Variants in NKAIN3 observed in about 807,000 individuals in gnomAD.
NKAIN3 encodes the protein sodium/potassium-transporting ATPase subunit beta-1-interacting protein 3.
NKAIN3 carries 25 observed loss-of-function variants against 30.2 expected under a neutral mutation model. The ratio of observed to expected loss-of-function variants is 0.83; its 90% CI spans 0.60 to 1.16. The LOEUF is 1.16. NKAIN3 is among the 50% of genes most tolerant of loss of function. NKAIN3 has a pLI of 0.00. For missense variants in NKAIN3, 225 were observed against 254.1 expected (o/e 0.89, Z 0.78); for synonymous variants, 91 against 89.6 (o/e 1.02, Z -0.09).
Position 62,630,152 on chromosome 8 carries a change from G to A in NKAIN3, c.273+40358G>A, listed in dbSNP as rs527490787. Among the ~76,000 whole-genome samples, 6 of 152,156 alleles carry A rather than the reference G, an allele frequency of 3.9e-5. No individual in the cohort carries two copies. The East Asian group carries it at 1.2e-3, about 29-fold the overall frequency. On this transcript the variant is annotated intron_variant, in intron 3 of 6. Transcript: ENST00000623646. ...AAATTAAAATTTATCATAGGTATGT[G>A]TGTGTAGGAAAAACAGAGTACATAT...
At chr8:62,649,457 T>A (rs1266969644) in intron 3 of NKAIN3, among the ~76,000 whole-genome samples, 1 of 152,296 alleles carries the variant, frequency 6.6e-6, no homozygotes, top group Middle Eastern at 3.4e-3. Flanking sequence ...GAAGACTGAA[T>A]ATATTTAAAT....
chr8:62,749,902 G>A lies in NKAIN3; in HGVS notation c.471+2773G>A, dbSNP rs375523590. On this transcript the variant is annotated intron_variant, in intron 4 of 6. Transcript: ENST00000623646. ...TTCACCATTTGGCCAGGCTGTTCTT[G>A]AACTCCTGACCTCAGGTGATCCACC... is the stretch of plus-strand genomic sequence containing the variant. Among the ~76,000 whole-genome samples the A allele has an allele frequency of 5.3e-5, 8 of 151,682 alleles. No homozygotes were observed. In the East Asian group the frequency reaches 1.6e-3, roughly 30 times the overall value.
intron 4 of NKAIN3, among the ~76,000 whole-genome samples, chr8:62,854,781 C>T (rs1477859035): frequency 6.6e-6 from 1 of 152,156 alleles, no homozygotes; most frequent in Non-Finnish European, 1.5e-5. Flanking sequence ...TATGTGGTTA[C>T]TTCATAGTGT....
rs185229233 is a variant in NKAIN3 at position 62,353,004 on chromosome 8, A to G, written c.54+103877A>G. On this transcript the variant is annotated intron_variant, in intron 1 of 6. Coordinates refer to ENST00000623646, the MANE Select transcript of NKAIN3 (RefSeq NM_001304533.3). The stretch of plus-strand genomic sequence containing the variant: ...AGTCCATCTGCCTTCTTGTTACTTG[A>G]TCAGTAATAAAATCAAACCAACAGT... 1.5e-4 allele frequency among the ~76,000 whole-genome samples: 23 copies of G among 152,302 alleles called. No homozygotes were observed. The East Asian group carries it at 4.2e-3, about 28-fold the overall frequency.
At chr8:62,477,258 G>A (rs1806549151) in intron 1 of NKAIN3, among the ~76,000 whole-genome samples, 1 of 152,100 alleles carries the variant, frequency 6.6e-6, no homozygotes, top group African/African-American at 2.4e-5. Context: ...ACCCGCAAAT[G>A]TACGCATGCA....
At chr8:62,924,695 C>T (rs1209033031) in intron 5 of NKAIN3, among the ~76,000 whole-genome samples, 1 of 152,188 alleles carries the variant, frequency 6.6e-6, no homozygotes, top group Non-Finnish European at 1.5e-5. Context: ...TGTCTTAGTT[C>T]TTCTGGGCTG....
At position 62,428,000 on chromosome 8, in the gene NKAIN3, A is replaced by G. The variant is rs868821016; in HGVS notation, c.55-151539A>G. Among the ~76,000 whole-genome samples the G allele has an allele frequency of 1.8e-4, 28 of 151,786 alleles. 1 individual carries two copies. The highest frequency in any genetic ancestry group is 6.4e-3 in the Middle Eastern group (2 of 314). On this transcript the variant is annotated intron_variant, in intron 1 of 6. Transcript: ENST00000623646. ...AACCTGTTTTCACCCCCCACTTGCCATTACCCTTCCCAGCCTCTGTCAACC... is the reference window on the plus strand; with the variant it reads ...AACCTGTTTTCACCCCCCACTTGCCGTTACCCTTCCCAGCCTCTGTCAACC...
At chr8:62,890,517 C>A (rs751855392) in intron 4 of NKAIN3, among the ~76,000 whole-genome samples, 6 of 152,212 alleles carry the variant, frequency 3.9e-5, no homozygotes, top group Non-Finnish European at 7.3e-5. Context: ...AAAGTAGTTT[C>A]TCTGCCCACA....
chr8:62,656,142 C>A (rs924301091), intron 3 of NKAIN3, among the ~76,000 whole-genome samples: 2 of 152,054 alleles, frequency 1.3e-5, no homozygotes, highest in Non-Finnish European at 2.9e-5. Flanking sequence ...GCTGCAGTAC[C>A]TTTCAGGAGC....
chr8:62,345,532 C>CACATATATGTATATAT (rs1815955965), intron 1 of NKAIN3, among the ~76,000 whole-genome samples: 2 of 102,160 alleles, frequency 2.0e-5, no homozygotes, highest in African/African-American at 5.0e-5. Context: ...TGTATATATA[C>CACATATATGTATATAT]ACACATATAT....
At chr8:62,644,739 C>T (rs529274708) in intron 3 of NKAIN3, among the ~76,000 whole-genome samples, 1 of 152,186 alleles carries the variant, frequency 6.6e-6, no homozygotes, top group South Asian at 2.1e-4. Context: ...TTGATGGTTC[C>T]TCAGAAATTA....
intron 3 of NKAIN3, among the ~76,000 whole-genome samples, chr8:62,731,234 GACAC>G (rs67571816): frequency 0.44 from 62,729 of 143,428 alleles, 13,965 homozygotes; most frequent in Non-Finnish European, 0.52. Context: ...GGGATCACAG[GACAC>G]ACACACACAC....
At chr8:62,288,976 A>G (rs1042913702) in intron 1 of NKAIN3, among the ~76,000 whole-genome samples, 28 of 152,158 alleles carry the variant, frequency 1.8e-4, no homozygotes, top group Non-Finnish European at 7.4e-5. Flanking sequence ...TTTGATTTGC[A>G]CTTCTCTGAT....
intron 4 of NKAIN3, among the ~76,000 whole-genome samples, chr8:62,762,399 C>CAAGGGA (rs1296389556): frequency 1.3e-5 from 2 of 151,400 alleles, no homozygotes; most frequent in East Asian, 1.9e-4. Context: ...AAGAATATTC[C>CAAGGGA]AAGGGAAACA....
At chr8:62,543,596 T>C (rs1808911561) in intron 1 of NKAIN3, among the ~76,000 whole-genome samples, 1 of 152,196 alleles carries the variant, frequency 6.6e-6, no homozygotes, top group African/African-American at 2.4e-5. Context: ...CACATTGGCC[T>C]AGAGTGTAAT....
chr8:62,647,139 C>CT (rs1812484355), intron 3 of NKAIN3, among the ~76,000 whole-genome samples: 1 of 152,140 alleles, frequency 6.6e-6, no homozygotes, highest in African/African-American at 2.4e-5. Flanking sequence ...TTTCTTAGAG[C>CT]TATTCAATGA....
chr8:62,532,755 AGC>A (rs1269997483), intron 1 of NKAIN3, among the ~76,000 whole-genome samples: 76 of 152,294 alleles, frequency 5.0e-4, no homozygotes, highest in African/African-American at 1.7e-3. Flanking sequence ...CTGAGACTGA[AGC>A]TTTCCCCAGC....
intron 6 of NKAIN3, among the ~76,000 whole-genome samples, chr8:62,961,244 C>A (rs554630898): frequency 6.6e-6 from 1 of 151,764 alleles, no homozygotes; most frequent in African/African-American, 2.4e-5. Context: ...AGTGCCACTG[C>A]ACTCCAGCCT....
chr8:62,895,746 G>T (rs982871477), intron 4 of NKAIN3, among the ~76,000 whole-genome samples: 1 of 152,044 alleles, frequency 6.6e-6, no homozygotes, highest in African/African-American at 2.4e-5. Flanking sequence ...AGAAGTTCTG[G>T]TCCTTCTTCC....
Sources: gnomAD v4.1 joint callset for allele counts (sites outside exome capture counted in the v4.1 genomes callset) on GRCh38, gnomAD v4.1.1 for gene constraint, MANE v1.5 for transcripts, NCBI Gene and HGNC (gene_info 2026-07-23, HGNC 2026-07-21) for gene names.